The following WDR59 variants were observed in gnomAD, a reference collection of about 807,000 sequenced individuals.
WDR59 encodes the protein GATOR2 complex protein WDR59.
Under a neutral mutation model 131.2 loss-of-function variants are expected in WDR59, and 100 were observed. The observed-to-expected ratio is 0.76, with a 90% CI of 0.65 to 0.90. The LOEUF (loss-of-function observed/expected upper bound fraction) is 0.90. Ranked by LOEUF, WDR59 falls within the 40% of genes least tolerant of loss-of-function variation. The pLI is 0.00. For synonymous variants in WDR59, 601 were observed against 466.2 expected, an observed-to-expected ratio of 1.29 and a Z score of -3.72; for missense variants, 1,203 against 1,262.2, an observed-to-expected ratio of 0.95 and a Z score of 0.71.
intron 25 of WDR59, among the ~76,000 whole-genome samples, chr16:74,876,955 T>C (rs1384226526): frequency 6.6e-6 from 1 of 152,052 alleles, no homozygotes; most frequent in Non-Finnish European, 1.5e-5. Flanking sequence ...CGGTCGCTAA[T>C]GGTTCCAGGT....
intron 7 of WDR59, 29 bp from the exon 8 acceptor site, chr16:74,938,295 G>A (rs200553621): frequency 8.1e-5 from 114 of 1,403,282 alleles, no homozygotes; most frequent in Non-Finnish European, 1.0e-4. Context: ...TAATATTATC[G>A]ATTTAGAAAG....
chr16:74,913,062 C>G (rs1230800562), intron 13 of WDR59, among the ~76,000 whole-genome samples: 1 of 26,746 alleles, frequency 3.7e-5, no homozygotes, highest in Non-Finnish European at 7.7e-5. Flanking sequence ...CAGTTTATGG[C>G]TAGATTTTGG....
At chr16:74,935,239 AG>A (rs2031705821) in intron 8 of WDR59, among the ~76,000 whole-genome samples, 1 of 152,118 alleles carries the variant, frequency 6.6e-6, no homozygotes. Context: ...CAAAAAAAAA[AG>A]AATGTACCAA....
intron 6 of WDR59, 110 bp from the exon 7 acceptor site, chr16:74,942,936 C>G: frequency 1.1e-6 from 1 of 939,568 alleles, no homozygotes; most frequent in Non-Finnish European, 1.6e-6. Context: ...AAGCCCAGAA[C>G]CCTTCAAGTT....
At chr16:74,905,451 G>A (rs1161838996) in intron 17 of WDR59, among the ~76,000 whole-genome samples, 1 of 151,920 alleles carries the variant, frequency 6.6e-6, no homozygotes, top group Admixed American at 6.6e-5. Flanking sequence ...GAAGGCTGAG[G>A]CAGGCAGATC....
chr16:74,933,674 C>A (rs2031578587), intron 8 of WDR59, among the ~76,000 whole-genome samples: 1 of 152,160 alleles, frequency 6.6e-6, no homozygotes, highest in South Asian at 2.1e-4. Flanking sequence ...GCAACCTCCA[C>A]CTCCCAGGTT....
At chr16:74,973,976 C>T (rs1597818905) in intron 1 of WDR59, among the ~76,000 whole-genome samples, 1 of 152,094 alleles carries the variant, frequency 6.6e-6, no homozygotes, top group African/African-American at 2.4e-5. Flanking sequence ...TCGAGACCAG[C>T]CTGGCCAACA....
In WDR59 at chr16:74,892,582, A is replaced by G; in HGVS notation, c.2001-17T>C. ...ACATTCAATCTGAAATTTTTTAAAA[A>G]GAATTAAACATTTCTTTCTAGTGTA... On this transcript the variant is annotated splice_polypyrimidine_tract_variant and intron_variant, in intron 19 of 25. Coordinates refer to ENST00000262144, the MANE Select transcript of WDR59 (RefSeq NM_030581.4). 6.2e-7 allele frequency: 1 copy of G among 1,602,840 alleles called. No homozygotes were observed. The highest frequency in any genetic ancestry group is 8.5e-7 in the Non-Finnish European group (1 of 1,170,964).
chr16:74,904,377 G>A (rs11149779), intron 17 of WDR59: 2 of 321,880 alleles, frequency 6.2e-6, no homozygotes, highest in South Asian at 3.9e-5. Context: ...ATCTACTATA[G>A]TTCTATCAAT....
At chr16:74,936,495 G>A (rs1033147856) in intron 8 of WDR59, among the ~76,000 whole-genome samples, 1 of 151,942 alleles carries the variant, frequency 6.6e-6, no homozygotes, top group East Asian at 1.9e-4. Flanking sequence ...TCTGGTTCCT[G>A]AACTTGGGAG....
chr16:74,974,967 G>C (rs1018180854), intron 1 of WDR59, among the ~76,000 whole-genome samples: 1 of 152,170 alleles, frequency 6.6e-6, no homozygotes, highest in Non-Finnish European at 1.5e-5. Flanking sequence ...AATATGTAAT[G>C]ACTGCAAATA....
chr16:74,983,948 C>G (rs1011091568), intron 1 of WDR59, among the ~76,000 whole-genome samples: 1 of 152,030 alleles, frequency 6.6e-6, no homozygotes, highest in Non-Finnish European at 1.5e-5. Flanking sequence ...CCTCTGCACT[C>G]AAGCCTGGGT....
chr16:74,902,609 C>T (rs559499068), intron 18 of WDR59, among the ~76,000 whole-genome samples: 5 of 152,042 alleles, frequency 3.3e-5, no homozygotes, highest in East Asian at 3.9e-4. Flanking sequence ...CGACACAAAT[C>T]GGAGAGGAAT....
chr16:74,912,401 C>T (rs760426590), intron 13 of WDR59, 39 bp from the exon 14 acceptor site: 1 of 1,590,782 alleles, frequency 6.3e-7, no homozygotes, highest in Non-Finnish European at 8.6e-7. Context: ...AGAAACAAAC[C>T]ATAAAGCGTC....
intron 8 of WDR59, among the ~76,000 whole-genome samples, chr16:74,927,683 A>ACACACACAC (rs568799728): frequency 4.1e-4 from 49 of 118,248 alleles, no homozygotes; most frequent in South Asian, 1.5e-3. Context: ...CTCTTTAAAA[A>ACACACACAC]ACACACACAC....
intron 2 of WDR59, among the ~76,000 whole-genome samples, chr16:74,957,992 A>G (rs1366640636): frequency 6.6e-6 from 1 of 152,184 alleles, no homozygotes; most frequent in Admixed American, 6.6e-5. Flanking sequence ...GCCTGCTCCA[A>G]AGGAATCACC....
intron 1 of WDR59, among the ~76,000 whole-genome samples, chr16:74,969,853 C>T (rs935794434): frequency 2.6e-5 from 4 of 152,114 alleles, no homozygotes; most frequent in African/African-American, 9.7e-5. Flanking sequence ...GTGGCATGAT[C>T]TCAGCTCACT....
At chr16:74,965,133 T>C (rs527513141) in intron 2 of WDR59, among the ~76,000 whole-genome samples, 1 of 152,252 alleles carries the variant, frequency 6.6e-6, no homozygotes, top group Non-Finnish European at 1.5e-5. Context: ...TTGAACTCCT[T>C]GGCTCACGTG....
At chr16:74,936,448 C>T (rs59171333) in intron 8 of WDR59, among the ~76,000 whole-genome samples, 65,305 of 151,746 alleles carry the variant, frequency 0.43, 14,620 homozygotes, top group East Asian at 0.65. Flanking sequence ...CAAACTTGGG[C>T]ATCTCATAGA....
Sources: allele counts gnomAD v4.1 joint callset (sites outside exome capture counted in the v4.1 genomes callset), GRCh38; gene constraint gnomAD v4.1.1; transcripts MANE v1.5; gene names NCBI Gene and HGNC (gene_info 2026-07-23, HGNC 2026-07-21).